GRIA1: variants seen among roughly 807,000 people sequenced by gnomAD.
The protein encoded by GRIA1 is glutamate ionotropic receptor AMPA type subunit 1, also known as glutamate receptor 1.
A neutral mutation model predicts 99.2 loss-of-function variants in GRIA1; 31 were observed. The observed-to-expected ratio is 0.31, with a 90% CI of 0.23 to 0.42. GRIA1 has a LOEUF of 0.42. Among genes scored for constraint, GRIA1 ranks in the 10% least tolerant of loss-of-function variants. The pLI, the probability that GRIA1 is intolerant of heterozygous loss-of-function variation, is 1.00. For synonymous variants in GRIA1, 438 were observed against 432.4 expected (o/e 1.01, Z -0.16); for missense variants, 782 against 1,157.5 (o/e 0.68, Z 4.71).
chr5:153,705,711 T>A lies in GRIA1; in HGVS notation c.1467T>A (p.Ala489=). ...GELVYGRADV[A]VAPLTITLVR... is the part of the protein sequence containing the mutation. ...TTTTTTTTCAGAGAGCAGATGTGGC[T>A]GTGGCTCCCTTAACTATCACTTTGG... Residue 489 remains alanine, a synonymous_variant, in exon 11 of 16, where the codon GCT becomes GCA. Coordinates refer to ENST00000285900, the MANE Select transcript of GRIA1 (RefSeq NM_000827.4). The A allele has an allele frequency of 1.2e-6, 1 of 839,544 alleles. No individual in the cohort carries two copies. The highest frequency in any genetic ancestry group is 1.8e-6 in the Non-Finnish European group (1 of 567,516). The allele number at this position is 839,544 out of a possible 1,614,324, so 52.0% of individuals were successfully genotyped here. A position where few individuals can be genotyped will look rare whatever the true frequency, so the allele number is the denominator to read the frequency against.
chr5:153,565,719 G>A (rs765709084), intron 2 of GRIA1, among the ~76,000 whole-genome samples: 3 of 151,864 alleles, frequency 2.0e-5, no homozygotes, highest in Non-Finnish European at 2.9e-5. Flanking sequence ...CTTTGTGACT[G>A]GCCTCTTTCA....
chr5:153,773,301 G>C (rs1209491809), intron 13 of GRIA1, among the ~76,000 whole-genome samples: 3 of 152,216 alleles, frequency 2.0e-5, no homozygotes, highest in Admixed American at 6.5e-5. Context: ...TGACTTCAGA[G>C]CCTATGGCTG....
At chr5:153,529,226 C>G (rs886645136) in intron 2 of GRIA1, among the ~76,000 whole-genome samples, 1 of 152,140 alleles carries the variant, frequency 6.6e-6, no homozygotes, top group South Asian at 2.1e-4. Context: ...CAGGGCTGTC[C>G]CTTGAGGAAT....
intron 2 of GRIA1, among the ~76,000 whole-genome samples, chr5:153,635,376 T>A (rs577370898): frequency 6.6e-6 from 1 of 152,338 alleles, no homozygotes; most frequent in East Asian, 1.9e-4. Flanking sequence ...GCTGTAAAGC[T>A]AATCTCTCCC....
chr5:153,669,960 CT>C (rs1297006442), intron 5 of GRIA1, among the ~76,000 whole-genome samples: 2 of 152,096 alleles, frequency 1.3e-5, no homozygotes, highest in African/African-American at 2.4e-5. Flanking sequence ...CATAGTGAAC[CT>C]TGATTTTTGA....
chr5:153,753,107 C>T (rs1762601670), intron 11 of GRIA1, among the ~76,000 whole-genome samples: 1 of 152,202 alleles, frequency 6.6e-6, no homozygotes, highest in Admixed American at 6.5e-5. Context: ...ATAAGAACCA[C>T]AGCTCCAGCT....
At chr5:153,605,997 T>C (rs1458366854) in intron 2 of GRIA1, among the ~76,000 whole-genome samples, 1 of 152,164 alleles carries the variant, frequency 6.6e-6, no homozygotes, top group African/African-American at 2.4e-5. Flanking sequence ...TGGTTTTATA[T>C]TTTGTTTAGG....
At chr5:153,626,444 CTGTGTGTGTGTGTGTGTGTG>C (rs3036985) in intron 2 of GRIA1, among the ~76,000 whole-genome samples, 1 of 142,342 alleles carries the variant, frequency 7.0e-6, no homozygotes, top group African/African-American at 2.6e-5. Context: ...GTGTGTGTGT[CTGTGTGTGTGTGTGTGTGTG>C]TGTGTGTGTG....
At chr5:153,588,051 C>A (rs186946875) in intron 2 of GRIA1, among the ~76,000 whole-genome samples, 101 of 152,254 alleles carry the variant, frequency 6.6e-4, no homozygotes, top group Non-Finnish European at 1.8e-4. Context: ...GTCATTCCTG[C>A]CAATTGAAAA....
At chr5:153,738,124 G>T (rs1761518551) in intron 11 of GRIA1, among the ~76,000 whole-genome samples, 1 of 152,234 alleles carries the variant, frequency 6.6e-6, no homozygotes, top group African/African-American at 2.4e-5. Flanking sequence ...ACAGGATGCA[G>T]AGAAAGGAAA....
At chr5:153,574,434 G>A (rs910926393) in intron 2 of GRIA1, 2 of 152,074 alleles carry the variant, frequency 1.3e-5, no homozygotes, top group Non-Finnish European at 2.9e-5. Context: ...TTGTTCAAGA[G>A]AATAGGAAAA....
In GRIA1 at chr5:153,811,290, A is replaced by G; in HGVS notation, c.*65A>G. The G allele has an allele frequency of 1.7e-6, 2 of 1,180,470 alleles. No homozygotes were observed. Among genetic ancestry groups the G allele is most frequent in the Non-Finnish European group, 2.5e-6 (2 of 797,912 alleles). The allele number at this position is 1,180,470 out of a possible 1,614,324, so 73.1% of individuals were successfully genotyped here. On this transcript the variant is annotated 3_prime_UTR_variant, in exon 16 of 16. Transcript: ENST00000285900. The stretch of plus-strand genomic sequence containing the variant: ...TCCCCAGCCCCATCCCAAACCCTTC[A>G]GTGCCAAAAACAACAACAAAATGAA...
intron 2 of GRIA1, among the ~76,000 whole-genome samples, chr5:153,626,680 CATACAG>C (rs1393527646): frequency 8.5e-5 from 13 of 152,224 alleles, no homozygotes; most frequent in South Asian, 2.1e-4. Context: ...AACTTCTCTG[CATACAG>C]AAATAACATC....
intron 2 of GRIA1, among the ~76,000 whole-genome samples, chr5:153,583,072 A>G (rs1263117951): frequency 6.6e-6 from 1 of 151,956 alleles, no homozygotes; most frequent in African/African-American, 2.4e-5. Flanking sequence ...TGCTGGGATT[A>G]CAGGCATGAG....
intron 2 of GRIA1, among the ~76,000 whole-genome samples, chr5:153,518,948 C>T: frequency 6.6e-6 from 1 of 152,158 alleles, no homozygotes; most frequent in East Asian, 1.9e-4. Flanking sequence ...GTAGAGTCAG[C>T]ATCACATGGC....
intron 2 of GRIA1, among the ~76,000 whole-genome samples, chr5:153,633,275 C>A (rs1753108494): frequency 1.3e-5 from 2 of 152,158 alleles, no homozygotes; most frequent in Non-Finnish European, 2.9e-5. Flanking sequence ...TTACTGTTTC[C>A]TCCAGAATTA....
At chr5:153,518,967 A>G (rs1756879310) in intron 2 of GRIA1, among the ~76,000 whole-genome samples, 2 of 152,222 alleles carry the variant, frequency 1.3e-5, no homozygotes, top group Non-Finnish European at 2.9e-5. Flanking sequence ...GCAGCCTGTT[A>G]GAAATGCCAG....
intron 2 of GRIA1, among the ~76,000 whole-genome samples, chr5:153,581,729 T>C (rs72802638): frequency 0.1 from 15,115 of 149,276 alleles, 899 homozygotes; most frequent in South Asian, 0.25. Context: ...TTCCATGCCA[T>C]GAGAGGAGAG....
chr5:153,596,789 C>A (rs928149018), intron 2 of GRIA1, among the ~76,000 whole-genome samples: 5 of 152,310 alleles, frequency 3.3e-5, no homozygotes, highest in Non-Finnish European at 7.4e-5. Flanking sequence ...CAGTTATTCT[C>A]CTTCCTTTTC....
Sources: gnomAD v4.1 joint callset for allele counts (sites outside exome capture counted in the v4.1 genomes callset) on GRCh38, gnomAD v4.1.1 for gene constraint, MANE v1.5 for transcripts, NCBI Gene and HGNC (gene_info 2026-07-23, HGNC 2026-07-21) for gene names.